Variants in LRP2 observed in about 807,000 individuals in gnomAD.
The protein encoded by LRP2 is LDL receptor related protein 2, also known as low-density lipoprotein receptor-related protein 2.
In LRP2, 172 loss-of-function variants were observed where a neutral mutation model predicts 531.0. The observed-to-expected ratio is 0.32, with a 90% confidence interval of 0.29 to 0.37. LRP2 has a LOEUF of 0.37. LRP2 is among the 10% of genes least tolerant of loss of function. The probability of loss-of-function intolerance (pLI) is 1.00; values close to 1 mark genes in which losing one functional copy is unlikely to be tolerated. For missense variants in LRP2, 5,167 were observed against 5,868.3 expected (o/e 0.88, Z 3.90); for synonymous variants, 1,992 against 2,027.6 (o/e 0.98, Z 0.47).
In LRP2 at chr2:169,127,675, C is replaced by T. The variant is rs1685145315; in HGVS notation, c.*988G>A. Reference sequence around the variant, plus strand: ...AATGGTTTCCCTTTCTATTCAGGTTCAACTTAGGAAATAAATAGTGATTAT... The same window carrying T: ...AATGGTTTCCCTTTCTATTCAGGTTTAACTTAGGAAATAAATAGTGATTAT... On this transcript the variant is annotated 3_prime_UTR_variant, in exon 79 of 79. Coordinates refer to ENST00000649046, the MANE Select transcript of LRP2 (RefSeq NM_004525.3). 1 of 151,570 alleles carries T rather than the reference C, an allele frequency of 6.6e-6. No individual in the cohort carries two copies. Among genetic ancestry groups the T allele is most frequent in the Admixed American group, 6.6e-5 (1 of 15,202 alleles). 9.4% of individuals were successfully genotyped at this position (151,570 alleles called of 1,614,324 possible). A position where few individuals can be genotyped will look rare whatever the true frequency, so the allele number is the denominator to read the frequency against.
chr2:169,142,332 T>C (rs78691884), intron 71 of LRP2, among the ~76,000 whole-genome samples: 1 of 152,176 alleles, frequency 6.6e-6, no homozygotes, highest in African/African-American at 2.4e-5. Context: ...ACAATTAAGG[T>C]TGAGTGGATT....
intron 43 of LRP2, 63 bp from the exon 44 acceptor site, chr2:169,201,933 A>AAGAT: frequency 1.3e-6 from 2 of 1,595,280 alleles, no homozygotes; most frequent in Middle Eastern, 1.7e-4. Flanking sequence ...AATTTTTAAA[A>AAGAT]AGATACAATT....
intron 30 of LRP2, 57 bp from the exon 31 acceptor site, chr2:169,231,899 AAACAG>A: frequency 1.9e-6 from 3 of 1,597,830 alleles, no homozygotes; most frequent in Non-Finnish European, 8.5e-7. Flanking sequence ...ATTAAAATCA[AAACAG>A]AGTCATGCTC....
rs1559038584 is a variant in LRP2, at chr2:169,246,736, A to G, written c.3159T>C (p.Asp1053=). 6.2e-7 allele frequency: 1 copy of G among 1,614,202 alleles called. No homozygotes were observed. The highest frequency in any genetic ancestry group is 8.5e-7 in the Non-Finnish European group (1 of 1,180,042). ...TGCCACATAGTTGCTCATCACTGTT[A>G]TCATGACAATCATCGACTCCATCAC... ...YLCDGVDDCH[D]NSDEQLCGTL... Residue 1053 remains aspartate (D), a synonymous_variant, in exon 21 of 79, where the codon GAT becomes GAC. Transcript: ENST00000649046.
At chr2:169,254,956 C>A (rs1164978966) in intron 19 of LRP2, among the ~76,000 whole-genome samples, 1 of 152,016 alleles carries the variant, frequency 6.6e-6, no homozygotes, top group Non-Finnish European at 1.5e-5. Flanking sequence ...ATCTCATGAG[C>A]ATTTTTTAAA....
At chr2:169,312,776 C>A (rs568715661) in intron 3 of LRP2, among the ~76,000 whole-genome samples, 1 of 152,090 alleles carries the variant, frequency 6.6e-6, no homozygotes, top group Non-Finnish European at 1.5e-5. Flanking sequence ...GAAGTTCTCC[C>A]GGATAATATC....
intron 68 of LRP2, among the ~76,000 whole-genome samples, chr2:169,149,682 CA>C (rs1452205969): frequency 4.6e-5 from 7 of 151,786 alleles, no homozygotes; most frequent in Non-Finnish European, 1.0e-4. Context: ...ACTGAAAATA[CA>C]AAAATTAGCC....
intron 16 of LRP2, among the ~76,000 whole-genome samples, chr2:169,262,782 C>T (rs1096456): frequency 0.53 from 79,677 of 150,292 alleles, 23,107 homozygotes; most frequent in East Asian, 0.9. Flanking sequence ...GAGCCCGCAT[C>T]GCCAAGTCAA....
intron 3 of LRP2, among the ~76,000 whole-genome samples, chr2:169,312,882 C>A (rs1368398164): frequency 1.3e-5 from 2 of 152,200 alleles, no homozygotes; most frequent in African/African-American, 4.8e-5. Flanking sequence ...TCCCATATTT[C>A]TTGGAGGCTT....
chr2:169,233,753 T>A (rs1405017779), intron 29 of LRP2, among the ~76,000 whole-genome samples, 165 bp from the exon 30 acceptor site: 1 of 152,194 alleles, frequency 6.6e-6, no homozygotes, highest in Non-Finnish European at 1.5e-5. Context: ...AATACACAAT[T>A]CGTCCTATAT....
At chr2:169,344,159 G>A (rs1177991593) in intron 1 of LRP2, among the ~76,000 whole-genome samples, 1 of 151,992 alleles carries the variant, frequency 6.6e-6, no homozygotes, top group East Asian at 1.9e-4. Context: ...TGGGGTACAT[G>A]TGCAGAACGT....
chr2:169,196,960 A>T lies in LRP2; in HGVS notation c.8649T>A (p.Cys2883Ter). The T allele has an allele frequency of 6.2e-7, 1 of 1,614,174 alleles. No homozygotes were observed. ...SGRCIPQHWYCDQETDCFDAS... is the reference protein window; with the variant it reads ...SGRCIPQHWY ...CATCAAAACAATCTGTTTCTTGATC[A>T]CAATACCAATGTTGAGGAATACAGC... The change falls in exon 46 of 79, where the codon TGT (cysteine) becomes TGA (stop). Residue 2883 changes from cysteine (C) to a stop codon, truncating the protein, a stop_gained. Transcript: ENST00000649046. LOFTEE classifies it high-confidence loss of function.
At chr2:169,327,487 G>T (rs1685118366) in intron 1 of LRP2, among the ~76,000 whole-genome samples, 1 of 123,260 alleles carries the variant, frequency 8.1e-6, no homozygotes, top group African/African-American at 3.2e-5. Context: ...GAGGGAGGTG[G>T]GGGGGTCAGC....
At chr2:169,171,115 A>T (rs1481032644) in intron 58 of LRP2, among the ~76,000 whole-genome samples, 1 of 151,816 alleles carries the variant, frequency 6.6e-6, no homozygotes, top group East Asian at 1.9e-4. Flanking sequence ...CTCTTATAGG[A>T]TTCAACATTG....
intron 69 of LRP2, among the ~76,000 whole-genome samples, chr2:169,146,176 C>G (rs772279559): frequency 6.6e-6 from 1 of 152,156 alleles, no homozygotes; most frequent in Non-Finnish European, 1.5e-5. Context: ...AGGGCCCTAG[C>G]TCACTTTCAA....
chr2:169,339,422 T>A (rs1685503826), intron 1 of LRP2, among the ~76,000 whole-genome samples: 1 of 152,184 alleles, frequency 6.6e-6, no homozygotes, highest in South Asian at 2.1e-4. Flanking sequence ...TAGGCACACA[T>A]CTATTCCACA....
At chr2:169,216,546 G>T in intron 34 of LRP2, 116 bp from the exon 35 acceptor site, 1 of 989,202 alleles carries the variant, frequency 1.0e-6, no homozygotes, top group Non-Finnish European at 1.6e-6. Context: ...ATGGGCAAAG[G>T]CTGAAAATCA....
chr2:169,147,381 G>A (rs368809230), intron 68 of LRP2, among the ~76,000 whole-genome samples: 5 of 152,038 alleles, frequency 3.3e-5, no homozygotes, highest in African/African-American at 7.2e-5. Flanking sequence ...GGAATGCAGC[G>A]ACATAATCAT....
At chr2:169,245,339 T>C (rs901064730) in intron 21 of LRP2, among the ~76,000 whole-genome samples, 9 of 152,172 alleles carry the variant, frequency 5.9e-5, no homozygotes, top group African/African-American at 2.2e-4. Context: ...CCAACCACAA[T>C]TTCAAATTCA....
Sources: gnomAD v4.1 joint callset for allele counts (sites outside exome capture counted in the v4.1 genomes callset) on GRCh38, gnomAD v4.1.1 for gene constraint, MANE v1.5 for transcripts, NCBI Gene and HGNC (gene_info 2026-07-23, HGNC 2026-07-21) for gene names.